Variants in AGBL1 observed in about 807,000 individuals in gnomAD.
The protein encoded by AGBL1 is cytosolic carboxypeptidase 4.
AGBL1 carries 130 observed loss-of-function variants against 118.9 expected under a neutral mutation model. That is an observed-to-expected ratio of 1.09 (90% confidence interval 0.95 to 1.26). The LOEUF is 1.26. Among genes scored for constraint, AGBL1 ranks in the 50% most tolerant of loss-of-function variants. The pLI is 0.00. For missense variants in AGBL1, 1,584 were observed against 1,298.1 expected, an observed-to-expected ratio of 1.22 and a Z score of -3.38; for synonymous variants, 555 against 478.9, an observed-to-expected ratio of 1.16 and a Z score of -2.08.
chr15:86,137,395 T>C (rs149893005), intron 1 of AGBL1, among the ~76,000 whole-genome samples: 33 of 152,296 alleles, frequency 2.2e-4, no homozygotes, highest in African/African-American at 7.9e-4. Flanking sequence ...CGTGGAGGTG[T>C]AAAATTTTCT....
chr15:86,255,571 T>C (rs933859202), intron 7 of AGBL1, among the ~76,000 whole-genome samples: 4 of 152,278 alleles, frequency 2.6e-5, no homozygotes, highest in Admixed American at 2.6e-4. Context: ...TATCCTGAGG[T>C]CAGGAGTTTG....
intron 24 of AGBL1, chr15:86,988,271 C>T (rs1429325099): frequency 2.3e-5 from 14 of 621,250 alleles, no homozygotes; most frequent in Middle Eastern, 4.3e-4. Flanking sequence ...GTGGTTGCAA[C>T]GATTTACATT....
chr15:86,857,542 CT>C (rs1471074231), intron 22 of AGBL1, among the ~76,000 whole-genome samples: 1 of 152,196 alleles, frequency 6.6e-6, no homozygotes, highest in African/African-American at 2.4e-5. Flanking sequence ...CTCTACCTGG[CT>C]AACTATTCCT....
chr15:86,760,928 G>A (rs1173113922), intron 22 of AGBL1, among the ~76,000 whole-genome samples: 1 of 151,986 alleles, frequency 6.6e-6, no homozygotes, highest in Non-Finnish European at 1.5e-5. Flanking sequence ...ACTGGTTCAT[G>A]GTCTAAATGC....
At chr15:86,337,525 A>G (rs1369164558) in intron 17 of AGBL1, among the ~76,000 whole-genome samples, 1 of 152,230 alleles carries the variant, frequency 6.6e-6, no homozygotes, top group Non-Finnish European at 1.5e-5. Context: ...CTATGCAGCT[A>G]TTAAAAAGGA....
chr15:86,431,551 CTA>C (rs2081936171), intron 18 of AGBL1, among the ~76,000 whole-genome samples: 1 of 152,190 alleles, frequency 6.6e-6, no homozygotes, highest in African/African-American at 2.4e-5. Context: ...AGTGAAAGAA[CTA>C]TGTGTAAAAT....
At chr15:86,686,905 C>A (rs941725052) in intron 22 of AGBL1, among the ~76,000 whole-genome samples, 10 of 152,160 alleles carry the variant, frequency 6.6e-5, no homozygotes, top group African/African-American at 2.4e-4. Flanking sequence ...CCTAAGCCCA[C>A]ACAGCTAGTA....
intron 1 of AGBL1, among the ~76,000 whole-genome samples, chr15:86,106,823 T>G (rs1160617751): frequency 6.6e-6 from 1 of 152,182 alleles, no homozygotes; most frequent in African/African-American, 2.4e-5. Flanking sequence ...GTTCTTGGAG[T>G]TGCTCATAGA....
intron 5 of AGBL1, among the ~76,000 whole-genome samples, chr15:86,177,296 C>T (rs753816469): frequency 6.6e-5 from 10 of 152,126 alleles, no homozygotes; most frequent in Non-Finnish European, 7.4e-5. Context: ...AAATAATTGA[C>T]GTAAAAACTG....
Position 86,295,269 on chromosome 15 carries a change from C to T in AGBL1, c.2235C>T (p.Ile745=), listed in dbSNP as rs772518739. 2 of 1,613,486 alleles carry T rather than the reference C, an allele frequency of 1.2e-6. No homozygotes were observed. The highest frequency in any genetic ancestry group is 1.3e-5 in the African/African-American group (1 of 74,892). ...TTCTGCTCCAGACTCATCTTGACAT[C>T]CTGGAAAAGAGTGTCAACCTCAAAG... The part of the protein sequence containing the change: ...TYTALMTHLD[I]LEKSVNLKEV... The change falls in exon 17 of 23, where the codon ATC becomes ATT. Residue 745 remains isoleucine (I), a synonymous_variant. Coordinates refer to ENST00000614907, the MANE Select transcript of AGBL1 (RefSeq NM_001386094.1).
intron 18 of AGBL1, among the ~76,000 whole-genome samples, chr15:86,407,003 A>T (rs535861577): frequency 2.6e-5 from 4 of 152,290 alleles, no homozygotes; most frequent in African/African-American, 9.6e-5. Context: ...TATTTGATAC[A>T]TATTGTTGCC....
At chr15:87,011,316 G>A (rs750041224) in intron 24 of AGBL1, among the ~76,000 whole-genome samples, 21 of 152,244 alleles carry the variant, frequency 1.4e-4, no homozygotes, top group Admixed American at 3.9e-4. Flanking sequence ...TTTGAACTAG[G>A]GAGTGAATAG....
chr15:86,934,497 T>G (rs780015536), intron 23 of AGBL1, among the ~76,000 whole-genome samples: 1 of 151,212 alleles, frequency 6.6e-6, no homozygotes, highest in Admixed American at 6.6e-5. Context: ...TCCTCCTTGC[T>G]ATTATCTTAT....
chr15:86,810,761 G>A (rs190936072), intron 22 of AGBL1, among the ~76,000 whole-genome samples: 2 of 152,208 alleles, frequency 1.3e-5, no homozygotes, highest in East Asian at 3.9e-4. Context: ...TTAAATTTCA[G>A]CTTTTGTCTC....
intron 24 of AGBL1, among the ~76,000 whole-genome samples, chr15:87,017,059 C>T (rs888456345): frequency 5.9e-5 from 9 of 152,106 alleles, no homozygotes; most frequent in African/African-American, 2.2e-4. Context: ...GCCCCACTTC[C>T]ACAATACCTC....
Position 86,961,758 on chromosome 15 carries a change from T to C in AGBL1, c.3222-26229T>C, listed in dbSNP as rs369193730. ...AATGAATCTCTAGTTTAGCCACTCC[T>C]GGATTCCCTAGCTCTAGAGCACACA... On this transcript the variant is annotated intron_variant, in intron 23 of 24. Coordinates refer to the AGBL1 transcript ENST00000441037. Among the ~76,000 whole-genome samples, 9 of 152,250 alleles carry C rather than the reference T, an allele frequency of 5.9e-5. No individual in the cohort carries two copies. In the East Asian group the frequency reaches 1.2e-3, roughly 20 times the overall value.
intron 22 of AGBL1, among the ~76,000 whole-genome samples, chr15:86,724,759 T>A (rs1463679345): frequency 6.6e-6 from 1 of 152,028 alleles, no homozygotes; most frequent in Non-Finnish European, 1.5e-5. Context: ...ATCCCTTCAG[T>A]ATAGTAAGTT....
intron 21 of AGBL1, among the ~76,000 whole-genome samples, chr15:86,634,782 A>G (rs1292823904): frequency 6.6e-6 from 1 of 152,202 alleles, no homozygotes; most frequent in African/African-American, 2.4e-5. Flanking sequence ...ATTCACACAA[A>G]CTTGATGAAG....
At chr15:86,791,816 A>C (rs2078497975) in intron 22 of AGBL1, among the ~76,000 whole-genome samples, 1 of 151,462 alleles carries the variant, frequency 6.6e-6, no homozygotes, top group Non-Finnish European at 1.5e-5. Context: ...GGCTCACCAC[A>C]ACCCCCGCTT....
Sources: gnomAD v4.1 joint callset for allele counts (sites outside exome capture counted in the v4.1 genomes callset) on GRCh38, gnomAD v4.1.1 for gene constraint, MANE v1.5 for transcripts, NCBI Gene and HGNC (gene_info 2026-07-23, HGNC 2026-07-21) for gene names.